The following TBL1X variants were observed in gnomAD, a reference collection of about 807,000 sequenced individuals.
TBL1X encodes the protein transducin beta like 1 X-linked, also known as F-box-like/WD repeat-containing protein TBL1X.
Under a neutral mutation model 50.7 loss-of-function variants are expected in TBL1X, and 10 were observed. The ratio of observed to expected loss-of-function variants is 0.20; its 90% CI spans 0.12 to 0.33. The LOEUF is 0.33. Ranked by LOEUF, TBL1X falls within the 10% of genes least tolerant of loss-of-function variation. The pLI is 1.00. For missense variants in TBL1X, 340 were observed against 504.4 expected (o/e 0.67, Z 3.12); for synonymous variants, 190 against 214.7 (o/e 0.88, Z 1.01).
At chrX:9,685,717 C>CTTTTTTTTTTTTTTTTTTTT (rs752837096) in intron 6 of TBL1X, among the ~76,000 whole-genome samples, 2 of 59,645 alleles carry the variant, frequency 3.4e-5, no homozygotes. Context: ...CTTTTCTTTT[C>CTTTTTTTTTTTTTTTTTTTT]TTTTTTTTTT....
chrX:9,514,632 T>A (rs1235569755), intron 2 of TBL1X, among the ~76,000 whole-genome samples: 1 of 112,424 alleles, frequency 8.9e-6, no homozygotes, highest in East Asian at 2.8e-4. Context: ...AACATAGTGC[T>A]GTCAGATCCC....
intron 5 of TBL1X, among the ~76,000 whole-genome samples, chrX:9,682,035 C>T (rs2146626799): frequency 8.9e-6 from 1 of 112,732 alleles, no homozygotes; most frequent in African/African-American, 3.2e-5. Context: ...GATCGTCAAG[C>T]CAAGAATGCA....
chrX:9,463,798 G>A (rs1009464462), upstream of TBL1X, among the ~76,000 whole-genome samples: 2 of 112,491 alleles, frequency 1.8e-5, no homozygotes, highest in Non-Finnish European at 1.9e-5. Flanking sequence ...GGAGGCTGAG[G>A]CAGGGGAATT....
intron 6 of TBL1X, 67 bp downstream of exon 6, chrX:9,684,255 A>G: frequency 1.7e-6 from 2 of 1,165,028 alleles, no homozygotes; most frequent in Non-Finnish European, 2.3e-6. Flanking sequence ...CTTGGAACAC[A>G]TTGGAAGCTA....
chrX:9,556,192 A>AAAC (rs2082297501), intron 2 of TBL1X, among the ~76,000 whole-genome samples: 1 of 103,756 alleles, frequency 9.6e-6, no homozygotes, highest in Non-Finnish European at 2.0e-5. Flanking sequence ...GTCTAAACAA[A>AAAC]AAAAAAACAA....
chrX:9,636,525 A>AACAACAACAACAACCACC (rs943883575), intron 2 of TBL1X: 1 of 105,050 alleles, frequency 9.5e-6, no homozygotes, highest in Non-Finnish European at 2.0e-5. Context: ...CAACAACAAC[A>AACAACAACAACAACCACC]ACCATGTATG....
At chrX:9,482,909 GTGGTGTGGC>G (rs1400807481) in intron 1 of TBL1X, among the ~76,000 whole-genome samples, 5 of 111,446 alleles carry the variant, frequency 4.5e-5, no homozygotes, top group Middle Eastern at 9.2e-3. Flanking sequence ...CATCTCCCAT[GTGGTGTGGC>G]TGGCCTTGTG....
chrX:9,701,386 C>T (rs2083170517), intron 12 of TBL1X, among the ~76,000 whole-genome samples: 1 of 109,160 alleles, frequency 9.2e-6, no homozygotes, highest in Non-Finnish European at 1.9e-5. Context: ...GCCATTCACC[C>T]ACATGGTTCC....
At chrX:9,701,918 C>T (rs1161863475) in intron 12 of TBL1X, among the ~76,000 whole-genome samples, 2 of 111,986 alleles carry the variant, frequency 1.8e-5, no homozygotes, top group Non-Finnish European at 3.8e-5. Flanking sequence ...AAGAGATGAT[C>T]TCAGATGTGG....
At chrX:9,713,716 C>T (rs1295529804) in intron 16 of TBL1X, among the ~76,000 whole-genome samples, 1 of 110,920 alleles carries the variant, frequency 9.0e-6, no homozygotes, top group African/African-American at 3.3e-5. Flanking sequence ...GCATGAGCCA[C>T]CGCGCCCGGC....
intron 2 of TBL1X, among the ~76,000 whole-genome samples, chrX:9,508,829 G>A (rs1034353746): frequency 4.5e-5 from 5 of 110,868 alleles, no homozygotes; most frequent in African/African-American, 1.6e-4. Flanking sequence ...CAGCAAACTA[G>A]CACAGAAACA....
chrX:9,676,538 T>A (rs1482480272), intron 5 of TBL1X, among the ~76,000 whole-genome samples: 6 of 112,413 alleles, frequency 5.3e-5, no homozygotes, highest in Non-Finnish European at 1.9e-5. Context: ...CCAGGCCAGA[T>A]GTTATGGCAA....
intron 2 of TBL1X, among the ~76,000 whole-genome samples, chrX:9,632,073 AT>A (rs2082724479): frequency 1.8e-5 from 2 of 111,510 alleles, no homozygotes; most frequent in South Asian, 7.4e-4. Context: ...TTTTACTATC[AT>A]TTTTCCCCTG....
At chrX:9,509,705 C>T (rs1345213807) in intron 2 of TBL1X, among the ~76,000 whole-genome samples, 2 of 109,072 alleles carry the variant, frequency 1.8e-5, no homozygotes, top group Non-Finnish European at 3.8e-5. Context: ...AGGCTGGTCT[C>T]GAACTCCTGG....
At chrX:9,697,900 A>G (rs1031979649) in intron 12 of TBL1X, among the ~76,000 whole-genome samples, 4 of 112,119 alleles carry the variant, frequency 3.6e-5, no homozygotes, top group Non-Finnish European at 7.5e-5. Context: ...CCTGGACAAC[A>G]AAGCAAGACC....
intron 1 of TBL1X, among the ~76,000 whole-genome samples, chrX:9,483,319 A>AG (rs1405309322): frequency 8.9e-6 from 1 of 112,543 alleles, no homozygotes; most frequent in Non-Finnish European, 1.9e-5. Flanking sequence ...ATTCCATGGA[A>AG]GTAGGGATTT....
intron 2 of TBL1X, among the ~76,000 whole-genome samples, chrX:9,523,766 T>TGC (rs1023838233): frequency 9.0e-6 from 1 of 111,566 alleles, no homozygotes; most frequent in Admixed American, 9.5e-5. Context: ...TCTGTGTGTG[T>TGC]GCGTGGCTCT....
intron 5 of TBL1X, among the ~76,000 whole-genome samples, chrX:9,661,265 C>T (rs1474567388): frequency 8.9e-6 from 1 of 112,507 alleles, no homozygotes; most frequent in Non-Finnish European, 1.9e-5. Flanking sequence ...AGAAAGATTT[C>T]TACCCAGTGT....
intron 2 of TBL1X, among the ~76,000 whole-genome samples, chrX:9,599,753 C>G (rs753861788): frequency 8.9e-6 from 1 of 112,477 alleles, no homozygotes; most frequent in Non-Finnish European, 1.9e-5. Context: ...TAAAAACGAA[C>G]AAACAAAAAA....
Sources: allele counts gnomAD v4.1 joint callset (sites outside exome capture counted in the v4.1 genomes callset), GRCh38; gene constraint gnomAD v4.1.1; transcripts MANE v1.5; gene names NCBI Gene and HGNC (gene_info 2026-07-23, HGNC 2026-07-21).